Variants in SPRED2 observed in about 807,000 individuals in gnomAD.
SPRED2 encodes the protein sprouty-related, EVH1 domain-containing protein 2.
SPRED2 carries 47 observed loss-of-function variants against 43.0 expected under a neutral mutation model. The ratio of observed to expected loss-of-function variants is 1.09; its 90% CI spans 0.87 to 1.40. SPRED2 has a LOEUF of 1.40. Among genes scored for constraint, SPRED2 ranks in the 40% most tolerant of loss-of-function variants. The pLI, the probability that SPRED2 is intolerant of heterozygous loss-of-function variation, is 0.00. For synonymous variants in SPRED2, 225 were observed against 225.7 expected (o/e 1.00, Z 0.03); for missense variants, 561 against 586.4 (o/e 0.96, Z 0.45).
At chr2:65,353,710 C>G (rs1674572156) in intron 1 of SPRED2, among the ~76,000 whole-genome samples, 1 of 152,064 alleles carries the variant, frequency 6.6e-6, no homozygotes, top group South Asian at 2.1e-4. Flanking sequence ...CTTTAAACCT[C>G]AGTTTAAAGG....
chr2:65,320,678 C>T (rs139359814), intron 4 of SPRED2, among the ~76,000 whole-genome samples: 1 of 152,142 alleles, frequency 6.6e-6, no homozygotes, highest in East Asian at 1.9e-4. Context: ...TGTCTGAACT[C>T]CCAGAAGATT....
intron 4 of SPRED2, among the ~76,000 whole-genome samples, chr2:65,331,188 G>A (rs539603982): frequency 6.6e-6 from 1 of 152,262 alleles, no homozygotes; most frequent in Admixed American, 6.5e-5. Context: ...AGCTGAAGTT[G>A]GAGGACTGCT....
intron 1 of SPRED2, among the ~76,000 whole-genome samples, chr2:65,393,571 A>G (rs1338539621): frequency 1.3e-5 from 2 of 151,826 alleles, no homozygotes; most frequent in African/African-American, 4.8e-5. Flanking sequence ...CTGACCTCAA[A>G]TGATCCGCCC....
At chr2:65,329,260 A>G (rs1401173465) in intron 4 of SPRED2, among the ~76,000 whole-genome samples, 3 of 152,244 alleles carry the variant, frequency 2.0e-5, no homozygotes, top group African/African-American at 4.8e-5. Context: ...GGTTCCAGAC[A>G]TTTCATTATC....
At chr2:65,307,896 G>T (rs551659561), downstream of SPRED2, among the ~76,000 whole-genome samples, 1 of 152,282 alleles carries the variant, frequency 6.6e-6, no homozygotes, top group Admixed American at 6.5e-5. Flanking sequence ...CGGGCTTCCA[G>T]TGAGGACGCC....
chr2:65,318,878 G>A lies in SPRED2; in HGVS notation c.439-1995C>T, dbSNP rs1210412481. ...GCCCAGGCTGGTCTTGAACTCCTGG[G>A]CTCAAGTGATCCTCCTGCTTTGGCC... On this transcript the variant is annotated intron_variant, in intron 4 of 5. Coordinates refer to ENST00000356388, the MANE Select transcript of SPRED2 (RefSeq NM_181784.3). Among the ~76,000 whole-genome samples, 3 of 152,016 alleles carry A rather than the reference G, an allele frequency of 2.0e-5. No individual in the cohort carries two copies. The South Asian group carries it at 6.2e-4, about 32-fold the overall frequency.
At chr2:65,398,767 G>T in intron 1 of SPRED2, among the ~76,000 whole-genome samples, 1 of 152,208 alleles carries the variant, frequency 6.6e-6, no homozygotes, top group Non-Finnish European at 1.5e-5. Flanking sequence ...TACACTGTTG[G>T]TGGGAATGTA....
chr2:65,404,733 G>A (rs769631526), intron 1 of SPRED2, among the ~76,000 whole-genome samples: 6 of 152,156 alleles, frequency 3.9e-5, no homozygotes, highest in Non-Finnish European at 8.8e-5. Flanking sequence ...GCCACCTAGC[G>A]AGCAAACAGG....
chr2:65,392,360 G>C (rs1675659933), intron 1 of SPRED2, among the ~76,000 whole-genome samples: 5 of 151,578 alleles, frequency 3.3e-5, no homozygotes, highest in Admixed American at 3.3e-4. Context: ...AATTTTTGTA[G>C]AGACAGGGTA....
chr2:65,365,751 T>G (rs2104327912), intron 1 of SPRED2, among the ~76,000 whole-genome samples: 1 of 152,292 alleles, frequency 6.6e-6, no homozygotes, highest in South Asian at 2.1e-4. Context: ...TTTTTTAAAA[T>G]ATGAGGAGAC....
At chr2:65,346,585 C>T (rs1341343347) in intron 1 of SPRED2, among the ~76,000 whole-genome samples, 1 of 152,136 alleles carries the variant, frequency 6.6e-6, no homozygotes, top group Admixed American at 6.5e-5. Context: ...GAATCTGATA[C>T]TCTAGGTACC....
intron 1 of SPRED2, chr2:65,366,676 T>C (rs1674989477): frequency 5.2e-6 from 8 of 1,543,536 alleles, no homozygotes; most frequent in Admixed American, 2.0e-5. Context: ...CCGATAAAAA[T>C]GGATCGTCTC....
At chr2:65,334,461 A>G (rs1470400550) in intron 3 of SPRED2, 144 bp downstream of exon 3, 10 of 885,982 alleles carry the variant, frequency 1.1e-5, no homozygotes, top group Non-Finnish European at 1.6e-5. Context: ...CTCCTTGGAA[A>G]TTCCAAAAGT....
chr2:65,354,170 C>A (rs956822169), intron 1 of SPRED2, among the ~76,000 whole-genome samples: 1 of 152,188 alleles, frequency 6.6e-6, no homozygotes, highest in Non-Finnish European at 1.5e-5. Context: ...ATCCCCCGAG[C>A]CTGGGAGCCC....
rs1311984715 is a variant in SPRED2, at chr2:65,401,935, GCGCACACACACA to G, written c.26+30015_26+30026del. Among the ~76,000 whole-genome samples the G allele has an allele frequency of 2.3e-4, 21 of 89,378 alleles. 1 individual carries two copies. The highest frequency in any genetic ancestry group is 7.6e-4 in the African/African-American group (21 of 27,688). 58.6% of individuals were successfully genotyped at this position (89,378 alleles called of 152,430 possible). On this transcript the variant is annotated intron_variant, in intron 1 of 5. Coordinates refer to ENST00000356388, the MANE Select transcript of SPRED2 (RefSeq NM_181784.3). ...AAACGATCAGAATATTAGCGCGCGC[GCGCACACACACA>G]CACACACACACACACACACACACAC...
At chr2:65,383,377 A>G (rs1310969815) in intron 1 of SPRED2, among the ~76,000 whole-genome samples, 1 of 152,220 alleles carries the variant, frequency 6.6e-6, no homozygotes, top group Non-Finnish European at 1.5e-5. Flanking sequence ...TGATGGTCCA[A>G]TGAGGGGTAT....
In SPRED2 at chr2:65,312,162, C is replaced by A; in HGVS notation, c.*1339G>T. 1 of 985,644 alleles carries A rather than the reference C, an allele frequency of 1.0e-6. No individual in the cohort carries two copies. The allele number at this position is 985,644 out of a possible 1,614,324, so 61.1% of individuals were successfully genotyped here. Reference sequence around the variant, plus strand: ...ATACTCTTTTCCAGCTAATTAGAAGCCTCCTCCGTGGCAAGGCGACAGGCA... The same window carrying A: ...ATACTCTTTTCCAGCTAATTAGAAGACTCCTCCGTGGCAAGGCGACAGGCA... On this transcript the variant is annotated 3_prime_UTR_variant, in exon 6 of 6. Coordinates refer to ENST00000356388, the MANE Select transcript of SPRED2 (RefSeq NM_181784.3).
chr2:65,311,931 G>GA lies in SPRED2; in HGVS notation c.*1569dup. 1 of 985,368 alleles carries GA rather than the reference G, an allele frequency of 1.0e-6. No homozygotes were observed. The highest frequency in any genetic ancestry group is 1.2e-6 in the Non-Finnish European group (1 of 829,936). 61.0% of individuals were successfully genotyped at this position (985,368 alleles called of 1,614,324 possible). ...CTGTGTGCAATAAAGAAGGAGTGGGGAAAGGGAGTGGGGAGCAGGCCATGT... is the reference window on the plus strand; with the variant it reads ...CTGTGTGCAATAAAGAAGGAGTGGGGAAAAGGGAGTGGGGAGCAGGCCATGT... On this transcript the variant is annotated 3_prime_UTR_variant, in exon 6 of 6. Transcript: ENST00000356388.
At chr2:65,324,115 G>A (rs377508140) in intron 4 of SPRED2, among the ~76,000 whole-genome samples, 3 of 151,360 alleles carry the variant, frequency 2.0e-5, no homozygotes, top group South Asian at 4.2e-4. Flanking sequence ...TAGACCAGAG[G>A]AAGAAAAGGG....
Sources: allele counts gnomAD v4.1 joint callset (sites outside exome capture counted in the v4.1 genomes callset), GRCh38; gene constraint gnomAD v4.1.1; transcripts MANE v1.5; gene names NCBI Gene and HGNC (gene_info 2026-07-23, HGNC 2026-07-21).